Variants in GDF3 observed in about 807,000 individuals in gnomAD.
The protein encoded by GDF3 is growth/differentiation factor 3.
In GDF3, 10 loss-of-function variants were observed where a neutral mutation model predicts 10.2. The ratio of observed to expected loss-of-function variants is 0.98; its 90% CI spans 0.60 to 1.66. The LOEUF is 1.66. GDF3 is among the 40% of genes most tolerant of loss of function. GDF3 has a pLI of 0.00. For synonymous variants in GDF3, 166 were observed against 178.5 expected, an observed-to-expected ratio of 0.93 and a Z score of 0.56; for missense variants, 450 against 438.3, an observed-to-expected ratio of 1.03 and a Z score of -0.24.
rs373943760 is a variant in GDF3, at chr12:7,695,527, G to C, written c.202C>G (p.Arg68Gly). The C allele has an allele frequency of 6.2e-7, 1 of 1,613,878 alleles. No homozygotes were observed. Residue 68 changes from arginine to glycine, a missense_variant, in exon 1 of 2, where the codon CGA becomes GGA. Transcript: ENST00000329913. ...REAAATTGVS[R>G]DLCYVKELGV... ...AGCTCCTTTACGTAGCATAAGTCTC[G>C]GGAGACCCCAGTGGTCGCTGCTGCC... is the stretch of plus-strand genomic sequence containing the variant.
At chr12:7,693,296 G>A (rs1027765396) in intron 1 of GDF3, among the ~76,000 whole-genome samples, 4 of 151,702 alleles carry the variant, frequency 2.6e-5, no homozygotes, top group Non-Finnish European at 5.9e-5. Flanking sequence ...TCTGCCTCCC[G>A]GGTGTTCAAT....
At position 7,695,526 on chromosome 12, in the gene GDF3, CGGGAGACCCCAGT is replaced by C; in HGVS notation, c.190_202del (p.Thr64GlufsTer6). 1.2e-6 allele frequency: 2 copies of C among 1,614,116 alleles called. No homozygotes were observed. Among genetic ancestry groups the C allele is most frequent in the Non-Finnish European group, 1.7e-6 (2 of 1,179,996 alleles). On this transcript the variant is annotated frameshift_variant, in exon 1 of 2. Coordinates refer to ENST00000329913, the MANE Select transcript of GDF3 (RefSeq NM_020634.3). LOFTEE classifies it high-confidence loss of function. The stretch of plus-strand genomic sequence containing the variant: ...CAGCTCCTTTACGTAGCATAAGTCT[CGGGAGACCCCAGT>C]GGTCGCTGCTGCCTCGCGATCCTGG...
chr12:7,694,337 C>A (rs759844307), intron 1 of GDF3, among the ~76,000 whole-genome samples: 3 of 151,812 alleles, frequency 2.0e-5, no homozygotes, highest in Admixed American at 1.3e-4. Context: ...CTGAGGCAGG[C>A]GGATCACCTG....
intron 1 of GDF3, among the ~76,000 whole-genome samples, chr12:7,692,292 G>C (rs1864139643): frequency 6.6e-6 from 1 of 151,410 alleles, no homozygotes; most frequent in African/African-American, 2.4e-5. Flanking sequence ...TAGCCGGGCA[G>C]GGTGGCACAT....
At chr12:7,691,010 C>T (rs540410857) in intron 1 of GDF3, among the ~76,000 whole-genome samples, 1 of 151,934 alleles carries the variant, frequency 6.6e-6, no homozygotes, top group Non-Finnish European at 1.5e-5. Flanking sequence ...ATTAGCCAGG[C>T]GTGGTGGCGG....
At position 7,695,512 on chromosome 12, in the gene GDF3, C is replaced by G. The variant is rs746383540; in HGVS notation, c.217G>C (p.Val73Leu). The change falls in exon 1 of 2, where the codon GTA becomes CTA. Residue 73 changes from valine to leucine, a missense_variant. By Grantham distance (32) the Val-to-Leu change is conservative. Transcript: ENST00000329913. ...TTGVSRDLCY[V>L]KELGVRGNVL... The stretch of plus-strand genomic sequence containing the variant: ...TTCCCGCGGACGCCCAGCTCCTTTA[C>G]GTAGCATAAGTCTCGGGAGACCCCA... 2 of 1,613,966 alleles carry G rather than the reference C, an allele frequency of 1.2e-6. No homozygotes were observed. The highest frequency in any genetic ancestry group is 1.7e-6 in the Non-Finnish European group (2 of 1,179,990).
intron 1 of GDF3, among the ~76,000 whole-genome samples, chr12:7,692,546 G>A (rs752281290): frequency 2.2e-4 from 32 of 145,226 alleles, no homozygotes; most frequent in Non-Finnish European, 2.7e-4. Flanking sequence ...GTCCTGCTCT[G>A]TTGCCCAGGC....
chr12:7,690,727 C>G (rs1227357799), intron 1 of GDF3, 23 bp from the exon 2 acceptor site: 2 of 1,338,650 alleles, frequency 1.5e-6, no homozygotes, highest in Admixed American at 3.4e-5. Flanking sequence ...AGAGACATGT[C>G]AGAGTCATAA....
At chr12:7,693,838 C>T (rs145477908) in intron 1 of GDF3, among the ~76,000 whole-genome samples, 3 of 152,032 alleles carry the variant, frequency 2.0e-5, no homozygotes, top group East Asian at 3.9e-4. Context: ...GTTCCAACTA[C>T]TCTACTCGGC....
At position 7,695,441 on chromosome 12, in the gene GDF3, A is replaced by G. The variant is rs1303011562; in HGVS notation, c.268+20T>C. On this transcript the variant is annotated intron_variant, in intron 1 of 1. Transcript: ENST00000329913. Reference sequence around the variant, plus strand: ...CACCCAGTTCCAGATGTTTTTCTGGATAACACTCTATTTCCTTACCTTGGT... The same window carrying G: ...CACCCAGTTCCAGATGTTTTTCTGGGTAACACTCTATTTCCTTACCTTGGT... 3.7e-5 allele frequency: 59 copies of G among 1,611,830 alleles called. No individual in the cohort carries two copies. The highest frequency in any genetic ancestry group is 4.8e-5 in the Non-Finnish European group (57 of 1,178,096).
chr12:7,695,326 G>T (rs1864171615), intron 1 of GDF3, 135 bp downstream of exon 1: 2 of 893,190 alleles, frequency 2.2e-6, no homozygotes, highest in African/African-American at 1.6e-5. Context: ...TCAGGATCGT[G>T]GCTGGAATTA....
rs748282603 is a variant in GDF3 at position 7,692,323 on chromosome 12, G to A, written c.269-1619C>T. Among the ~76,000 whole-genome samples the A allele has an allele frequency of 9.2e-5, 14 of 151,744 alleles. No homozygotes were observed. In the South Asian group the frequency reaches 2.5e-3, roughly 27 times the overall value. ...CACATGCCTGTAATCCCAGCTACTC[G>A]GGAGGCTGAGGCAGGAGCATCACTT... On this transcript the variant is annotated intron_variant, in intron 1 of 1. Transcript: ENST00000329913.
chr12:7,690,978 C>T (rs1304443393), intron 1 of GDF3, among the ~76,000 whole-genome samples: 1 of 151,828 alleles, frequency 6.6e-6, no homozygotes, highest in Non-Finnish European at 1.5e-5. Flanking sequence ...GGTGAAACCC[C>T]GTCTCTACTA....
chr12:7,692,849 C>T (rs1439664098), intron 1 of GDF3, among the ~76,000 whole-genome samples: 3 of 151,700 alleles, frequency 2.0e-5, no homozygotes, highest in Admixed American at 2.0e-4. Context: ...CTCTATGTTG[C>T]CTAGGCTTAT....
chr12:7,692,294 G>A (rs993621681), intron 1 of GDF3, among the ~76,000 whole-genome samples: 6 of 151,880 alleles, frequency 4.0e-5, no homozygotes, highest in African/African-American at 1.2e-4. Flanking sequence ...GCCGGGCAGG[G>A]TGGCACATGC....
Position 7,690,311 on chromosome 12 carries a change from G to A in GDF3, c.662C>T (p.Thr221Ile). ...DSGVNFQPEDTCARLRCSLHA... is the reference protein window; with the variant it reads ...DSGVNFQPEDICARLRCSLHA... ...AAGGGAGCATCTTAGTCTGGCACAGGTGTCTTCAGGCTGAAAATTCACCCC... is the reference window on the plus strand; with the variant it reads ...AAGGGAGCATCTTAGTCTGGCACAGATGTCTTCAGGCTGAAAATTCACCCC... The change falls in exon 2 of 2, where the codon ACC (threonine) becomes ATC (isoleucine). Residue 221 changes from threonine (T) to isoleucine (I), a missense_variant. Transcript: ENST00000329913. The A allele has an allele frequency of 6.2e-7, 1 of 1,614,106 alleles. No individual in the cohort carries two copies. The highest frequency in any genetic ancestry group is 1.6e-4 in the Middle Eastern group (1 of 6,062).
chr12:7,692,154 C>G (rs1336670151), intron 1 of GDF3, among the ~76,000 whole-genome samples: 6 of 151,868 alleles, frequency 4.0e-5, no homozygotes, highest in African/African-American at 1.5e-4. Context: ...TAGACTGGGC[C>G]GGGACATGGT....
At position 7,690,618 on chromosome 12, in the gene GDF3, T is replaced by C. The variant is rs781103234; in HGVS notation, c.355A>G (p.Arg119Gly). The C allele has an allele frequency of 4.4e-6, 7 of 1,608,734 alleles. No individual in the cohort carries two copies. Among genetic ancestry groups the C allele is most frequent in the South Asian group, 1.1e-5 (1 of 90,174 alleles). Residue 119 changes from arginine to glycine, a missense_variant, in exon 2 of 2, where the codon AGG (arginine) becomes GGG (glycine). Physicochemically the swap from Arg to Gly is moderately radical, Grantham distance 125. Transcript: ENST00000329913. ...AGCTGGGCCAATGTCAACTGTTCCC[T>C]TTCTTTGATGGCAGACAGGTTAAAG... ...LYFNLSAIKE[R>G]EQLTLAQLGL... is the part of the protein sequence containing the mutation.
At chr12:7,691,174 A>C (rs905574926) in intron 1 of GDF3, among the ~76,000 whole-genome samples, 5 of 151,546 alleles carry the variant, frequency 3.3e-5, no homozygotes, top group African/African-American at 1.2e-4. Flanking sequence ...AGAAAGCCAG[A>C]GGTTCTTATC....
Sources: gnomAD v4.1 joint callset for allele counts (sites outside exome capture counted in the v4.1 genomes callset) on GRCh38, gnomAD v4.1.1 for gene constraint, MANE v1.5 for transcripts, NCBI Gene and HGNC (gene_info 2026-07-23, HGNC 2026-07-21) for gene names.